SORL1: variants seen among roughly 807,000 people sequenced by gnomAD.
SORL1 encodes sortilin related receptor 1, also known as sortilin-related receptor.
Under a neutral mutation model 273.7 loss-of-function variants are expected in SORL1, and 127 were observed. The ratio of observed to expected loss-of-function variants is 0.46; its 90% CI spans 0.40 to 0.54. The LOEUF is 0.54. Among genes scored for constraint, SORL1 ranks in the 20% least tolerant of loss-of-function variants. SORL1 has a pLI of 0.00. For synonymous variants in SORL1, 1,031 were observed against 1,067.4 expected (o/e 0.97, Z 0.66); for missense variants, 2,494 against 2,846.1 (o/e 0.88, Z 2.81).
At chr11:121,500,877 TCATGATTCTGACTAAGCAAC>T (rs1861698936) in intron 6 of SORL1, among the ~76,000 whole-genome samples, 1 of 152,258 alleles carries the variant, frequency 6.6e-6, no homozygotes, top group South Asian at 2.1e-4. Context: ...ATGTGTATTT[TCATGATTCTGACTAAGCAAC>T]CACGAATTTC....
intron 1 of SORL1, among the ~76,000 whole-genome samples, chr11:121,455,932 G>T (rs1227029107): frequency 1.3e-5 from 2 of 151,684 alleles, no homozygotes; most frequent in Non-Finnish European, 2.9e-5. Flanking sequence ...GGCGGAGGTT[G>T]CAGTGAGCCG....
Position 121,608,126 on chromosome 11 carries a change from G to GAAT in SORL1, c.5191_5193dup (p.Ile1731dup). The GAAT allele has an allele frequency of 6.2e-7, 1 of 1,614,054 alleles. No individual in the cohort carries two copies. Among genetic ancestry groups the GAAT allele is most frequent in the Non-Finnish European group, 8.5e-7 (1 of 1,179,934 alleles). On this transcript the variant is annotated inframe_insertion, in exon 38 of 48. Coordinates refer to ENST00000260197, the MANE Select transcript of SORL1 (RefSeq NM_003105.6). The stretch of plus-strand genomic sequence containing the variant: ...AAGGTGGCTGCGGTGACTAGTCGTG[G>GAAT]AATAGGAAACTGGAGCGATTCTAAA...
In SORL1 at chr11:121,550,821, G is replaced by T. The variant is rs543412432; in HGVS notation, c.2266+151G>T. The stretch of plus-strand genomic sequence containing the variant: ...TCACAGGGCTTCCTCTTTTCCCTAA[G>T]GTTGGTTTCCACACTGAACTTGTAC... On this transcript the variant is annotated intron_variant, in intron 16 of 47. Transcript: ENST00000260197. The surrounding 1 kb of genome is among the most constrained non-coding windows in gnomAD (Gnocchi z 5.3). 2.0e-4 allele frequency: 125 copies of T among 640,332 alleles called. No homozygotes were observed. In the African/African-American group the frequency reaches 2.2e-3, roughly 11 times the overall value. 39.7% of individuals were successfully genotyped at this position (640,332 alleles called of 1,614,324 possible). A position where few individuals can be genotyped will look rare whatever the true frequency, so the allele number is the denominator to read the frequency against.
chr11:121,489,354 A>G (rs532838224), intron 4 of SORL1, among the ~76,000 whole-genome samples: 1 of 152,278 alleles, frequency 6.6e-6, no homozygotes, highest in South Asian at 2.1e-4. Flanking sequence ...TCATCTTGCA[A>G]GACTGAAACG....
intron 31 of SORL1, among the ~76,000 whole-genome samples, chr11:121,593,015 G>A (rs1591343322): frequency 6.6e-6 from 1 of 152,156 alleles, no homozygotes; most frequent in East Asian, 1.9e-4. Flanking sequence ...GATCTTCTTT[G>A]TTTAGTGTAG....
intron 11 of SORL1, 94 bp downstream of exon 11, chr11:121,523,083 T>G: frequency 1.2e-6 from 1 of 854,076 alleles, no homozygotes; most frequent in Non-Finnish European, 2.0e-6. Flanking sequence ...ACACAAATGG[T>G]CCATGGCAGA....
chr11:121,573,546 G>A (rs1862880240), intron 23 of SORL1, among the ~76,000 whole-genome samples: 1 of 152,160 alleles, frequency 6.6e-6, no homozygotes, highest in African/African-American at 2.4e-5. Context: ...CTGGGAGGCG[G>A]AGGTTGCAGT....
At chr11:121,560,684 T>C (rs1862658231) in intron 21 of SORL1, among the ~76,000 whole-genome samples, 1 of 152,200 alleles carries the variant, frequency 6.6e-6, no homozygotes. Flanking sequence ...ATAGATATCA[T>C]TGTTATCCTC....
At chr11:121,490,797 G>A (rs919363870) in intron 5 of SORL1, among the ~76,000 whole-genome samples, 8 of 151,124 alleles carry the variant, frequency 5.3e-5, no homozygotes, top group African/African-American at 1.9e-4. Flanking sequence ...TTGAATGTCT[G>A]TTAAATATAA....
At position 121,596,958 on chromosome 11, in the gene SORL1, C is replaced by T. The variant is rs994496710; in HGVS notation, c.4519+1186C>T. Reference sequence around the variant, plus strand: ...GGTGGAGGTTAGTCATCTCTTAATTCCTCTAATTCAGTATTTACAAAATTT... The same window carrying T: ...GGTGGAGGTTAGTCATCTCTTAATTTCTCTAATTCAGTATTTACAAAATTT... On this transcript the variant is annotated intron_variant, in intron 32 of 47. Coordinates refer to ENST00000260197, the MANE Select transcript of SORL1 (RefSeq NM_003105.6). The surrounding 1 kb of genome is among the most constrained non-coding windows in gnomAD (Gnocchi z 4.3). Among the ~76,000 whole-genome samples, 3 of 152,104 alleles carry T rather than the reference C, an allele frequency of 2.0e-5. No individual in the cohort carries two copies.
chr11:121,574,428 G>T, intron 24 of SORL1, 65 bp downstream of exon 24: 3 of 1,505,982 alleles, frequency 2.0e-6, no homozygotes, highest in Admixed American at 1.7e-5. Context: ...CCCTCACAGG[G>T]CTGTACTGGT....
intron 38 of SORL1, chr11:121,610,436 T>C (rs1284466547): frequency 6.6e-6 from 1 of 152,222 alleles, no homozygotes; most frequent in African/African-American, 2.4e-5. Context: ...GTTGGCCATA[T>C]GTGACGCTAT....
intron 1 of SORL1, among the ~76,000 whole-genome samples, chr11:121,468,066 G>A (rs933001884): frequency 1.3e-5 from 2 of 152,168 alleles, no homozygotes; most frequent in Non-Finnish European, 2.9e-5. Flanking sequence ...TCTTTTCCCT[G>A]ATGACATCTG....
chr11:121,537,825 G>A (rs751689667), intron 12 of SORL1, among the ~76,000 whole-genome samples: 1 of 152,146 alleles, frequency 6.6e-6, no homozygotes, highest in African/African-American at 2.4e-5. Flanking sequence ...GCTTCTATTC[G>A]TGGACTTTGT....
chr11:121,466,301 G>A (rs970045126), intron 1 of SORL1, among the ~76,000 whole-genome samples: 1 of 152,116 alleles, frequency 6.6e-6, no homozygotes, highest in African/African-American at 2.4e-5. Context: ...GTGTCTTCTG[G>A]GTGTGGGACC....
In SORL1 at chr11:121,488,108, T is replaced by A; in HGVS notation, c.605T>A (p.Ile202Asn). The change falls in exon 4 of 48, where the codon ATC becomes AAC. Residue 202 changes from isoleucine to asparagine, a missense_variant. Ile to Asn is a moderately radical substitution (Grantham distance 149). This residue lies in a region of SORL1 where 710 missense variants were observed against 882.5 expected (regional missense o/e 0.80). Coordinates refer to ENST00000260197, the MANE Select transcript of SORL1 (RefSeq NM_003105.6). ...DFCNTLQGFS[I>N]PFRAADLLLH... ...TGCAACACTCTTCAAGGCTTTTCCA[T>A]CCCATTTCGGGCAGCTGATCTCCTC... 6.2e-7 allele frequency: 1 copy of A among 1,614,150 alleles called. No homozygotes were observed. Among genetic ancestry groups the A allele is most frequent in the Non-Finnish European group, 8.5e-7 (1 of 1,180,020 alleles).
chr11:121,594,162 G>A (rs1442466898), intron 31 of SORL1, among the ~76,000 whole-genome samples: 1 of 150,600 alleles, frequency 6.6e-6, no homozygotes, highest in Non-Finnish European at 1.5e-5. Context: ...CTAGAAGCTT[G>A]TAGAATCTTC....
chr11:121,553,159 C>T (rs969963172), intron 16 of SORL1, among the ~76,000 whole-genome samples: 1 of 152,196 alleles, frequency 6.6e-6, no homozygotes, highest in Non-Finnish European at 1.5e-5. Context: ...AATCTTGGTT[C>T]TGCCACTTGC....
At chr11:121,552,890 T>G (rs928180901) in intron 16 of SORL1, among the ~76,000 whole-genome samples, 2 of 152,186 alleles carry the variant, frequency 1.3e-5, no homozygotes, top group African/African-American at 2.4e-5. Context: ...AGATGCACAC[T>G]TTAGACACAG....
Sources: gnomAD v4.1 joint callset for allele counts (sites outside exome capture counted in the v4.1 genomes callset) on GRCh38, gnomAD v4.1.1 for gene constraint, gnomAD v4.1.1 regional missense constraint, Gnocchi (gnomAD v3.1) non-coding constraint, MANE v1.5 for transcripts, NCBI Gene and HGNC (gene_info 2026-07-23, HGNC 2026-07-21) for gene names.